Variants in DPP10 observed in about 807,000 individuals in gnomAD.
DPP10 encodes the protein inactive dipeptidyl peptidase 10.
A neutral mutation model predicts 120.9 loss-of-function variants in DPP10; 33 were observed. The observed-to-expected ratio is 0.27, with a 90% CI of 0.21 to 0.37. The LOEUF is 0.37. DPP10 is among the 10% of genes least tolerant of loss of function. The pLI is 1.00. For missense variants in DPP10, 816 were observed against 942.8 expected, an observed-to-expected ratio of 0.87 and a Z score of 1.76; for synonymous variants, 337 against 326.1, an observed-to-expected ratio of 1.03 and a Z score of -0.36.
intron 1 of DPP10, among the ~76,000 whole-genome samples, chr2:115,085,958 C>A (rs1487000047): frequency 6.6e-6 from 1 of 152,054 alleles, no homozygotes; most frequent in African/African-American, 2.4e-5. Context: ...CAGGTGGGTA[C>A]CCTATATATC....
chr2:115,668,612 C>T (rs2149434081), intron 5 of DPP10, among the ~76,000 whole-genome samples: 1 of 152,182 alleles, frequency 6.6e-6, no homozygotes, highest in African/African-American at 2.4e-5. Context: ...CTCAGTTCAC[C>T]ACAGGCTTCC....
chr2:115,725,290 T>C (rs370576999), intron 7 of DPP10, among the ~76,000 whole-genome samples: 2 of 152,102 alleles, frequency 1.3e-5, no homozygotes, highest in Non-Finnish European at 2.9e-5. Flanking sequence ...TTACTAATGG[T>C]TAGAGTTTTC....
intron 7 of DPP10, among the ~76,000 whole-genome samples, chr2:115,716,678 A>G (rs902763389): frequency 6.6e-6 from 1 of 152,160 alleles, no homozygotes; most frequent in African/African-American, 2.4e-5. Flanking sequence ...TTTGAAGAAT[A>G]TAGTAAAAAA....
intron 5 of DPP10, among the ~76,000 whole-genome samples, chr2:115,536,227 T>A (rs2148941807): frequency 6.6e-6 from 1 of 152,150 alleles, no homozygotes; most frequent in Non-Finnish European, 1.5e-5. Context: ...GTTATTAGTA[T>A]GTAATATTTT....
chr2:114,528,654 A>G (rs144716633), intron 1 of DPP10, among the ~76,000 whole-genome samples: 116 of 151,132 alleles, frequency 7.7e-4, no homozygotes, highest in Non-Finnish European at 1.8e-4. Flanking sequence ...ATGTTATTCA[A>G]CATTCATACT....
intron 2 of DPP10, among the ~76,000 whole-genome samples, chr2:115,312,558 C>G (rs1031008942): frequency 1.3e-5 from 2 of 152,094 alleles, no homozygotes; most frequent in Non-Finnish European, 2.9e-5. Flanking sequence ...GAATATCCAT[C>G]AAGGCCATGT....
chr2:115,630,398 T>G (rs945418189), intron 5 of DPP10, among the ~76,000 whole-genome samples: 1 of 152,106 alleles, frequency 6.6e-6, no homozygotes, highest in Non-Finnish European at 1.5e-5. Flanking sequence ...TACCCTTTAT[T>G]TTTTCTCTTG....
At chr2:114,977,591 A>C (rs1458208981) in intron 1 of DPP10, among the ~76,000 whole-genome samples, 1 of 152,080 alleles carries the variant, frequency 6.6e-6, no homozygotes, top group African/African-American at 2.4e-5. Context: ...GGGGTTCTGC[A>C]AGTCAGCAAC....
At chr2:114,748,513 A>C in intron 1 of DPP10, among the ~76,000 whole-genome samples, 1 of 133,270 alleles carries the variant, frequency 7.5e-6, no homozygotes, top group Admixed American at 7.6e-5. Context: ...CTAACTCGTC[A>C]TCTAGCATTA....
chr2:114,999,613 G>A (rs563995728), intron 1 of DPP10, among the ~76,000 whole-genome samples: 1 of 151,950 alleles, frequency 6.6e-6, no homozygotes, highest in Non-Finnish European at 1.5e-5. Flanking sequence ...GGCCTTTGTC[G>A]GTGCTAATTC....
chr2:115,727,896 A>C lies in DPP10; in HGVS notation c.657A>C (p.Glu219Asp). 2.5e-6 allele frequency: 4 copies of C among 1,608,986 alleles called. No homozygotes were observed. Among genetic ancestry groups the C allele is most frequent in the Non-Finnish European group, 3.4e-6 (4 of 1,177,838 alleles). The change falls in exon 8 of 26, where the codon GAA (glutamate) becomes GAC (aspartate). Residue 219 changes from glutamate (E) to aspartate (D), a missense_variant. By Grantham distance (45) the Glu-to-Asp change is conservative. This residue lies in a region of DPP10 where 42 missense variants were observed against 86.4 expected (regional missense o/e 0.49). Coordinates refer to ENST00000410059, the MANE Select transcript of DPP10 (RefSeq NM_020868.6). The stretch of plus-strand genomic sequence containing the variant: ...TGCGACTGACATCTTCTGGAAAAGA[A>C]GAAATAATTTTTAATGGGATTGCTG... ...SSLRLTSSGK[E>D]EIIFNGIADW...
At chr2:115,498,330 A>G (rs1198265220) in intron 3 of DPP10, among the ~76,000 whole-genome samples, 1 of 152,146 alleles carries the variant, frequency 6.6e-6, no homozygotes, top group Non-Finnish European at 1.5e-5. Flanking sequence ...GTAACTATTA[A>G]TAATATTTAA....
At chr2:114,625,409 C>T (rs1332233819) in intron 1 of DPP10, among the ~76,000 whole-genome samples, 1 of 151,916 alleles carries the variant, frequency 6.6e-6, no homozygotes, top group East Asian at 1.9e-4. Context: ...TCAGGAGGCA[C>T]ACTATGTTAT....
intron 5 of DPP10, among the ~76,000 whole-genome samples, chr2:115,597,626 G>T (rs1189229518): frequency 6.6e-6 from 1 of 151,110 alleles, no homozygotes; most frequent in Admixed American, 6.6e-5. Flanking sequence ...AAATGTGTGT[G>T]TGTAGCTTAG....
intron 5 of DPP10, among the ~76,000 whole-genome samples, chr2:115,559,898 A>G (rs969764525): frequency 6.6e-6 from 1 of 152,042 alleles, no homozygotes; most frequent in Admixed American, 6.6e-5. Flanking sequence ...TATGTTAGAT[A>G]CTCTGTTAGA....
intron 1 of DPP10, among the ~76,000 whole-genome samples, chr2:114,770,756 T>C (rs1681175745): frequency 6.6e-6 from 1 of 152,230 alleles, no homozygotes; most frequent in African/African-American, 2.4e-5. Flanking sequence ...GAATTTCTTT[T>C]ATACCTTGAG....
At chr2:115,374,097 G>A (rs1398485842) in intron 3 of DPP10, among the ~76,000 whole-genome samples, 1 of 152,024 alleles carries the variant, frequency 6.6e-6, no homozygotes, top group African/African-American at 2.4e-5. Context: ...GTATCTTTCT[G>A]CCACTGGGTC....
chr2:115,745,640 G>A (rs554942076), intron 9 of DPP10, among the ~76,000 whole-genome samples: 40 of 150,632 alleles, frequency 2.7e-4, no homozygotes, highest in African/African-American at 8.9e-4. Flanking sequence ...TTTGGTAGGC[G>A]TCTTTCTTTC....
At chr2:114,859,183 AAG>A (rs957592194) in intron 1 of DPP10, among the ~76,000 whole-genome samples, 2 of 151,940 alleles carry the variant, frequency 1.3e-5, no homozygotes, top group African/African-American at 4.8e-5. Context: ...AAAAGAAAAA[AAG>A]AACAAACAAA....
Sources: allele counts gnomAD v4.1 joint callset (sites outside exome capture counted in the v4.1 genomes callset), GRCh38; gene constraint gnomAD v4.1.1; regional missense constraint gnomAD v4.1.1; transcripts MANE v1.5; gene names NCBI Gene and HGNC (gene_info 2026-07-23, HGNC 2026-07-21).